Variants in VGLL4 observed in about 807,000 individuals in gnomAD.
The protein encoded by VGLL4 is transcription cofactor vestigial-like protein 4.
VGLL4 carries 7 observed loss-of-function variants against 21.0 expected under a neutral mutation model. That is an observed-to-expected ratio of 0.33 (90% CI 0.19 to 0.63). VGLL4 has a LOEUF of 0.63. Ranked by LOEUF, VGLL4 falls within the 20% of genes least tolerant of loss-of-function variation. VGLL4 has a pLI of 0.78. For missense variants in VGLL4, 394 were observed against 425.7 expected (o/e 0.93, Z 0.66); for synonymous variants, 222 against 173.2 (o/e 1.28, Z -2.21).
intron 1 of VGLL4, among the ~76,000 whole-genome samples, chr3:11,703,336 G>GT (rs1461348147): frequency 3.3e-5 from 5 of 152,216 alleles, no homozygotes; most frequent in African/African-American, 4.8e-5. Context: ...TGGTGCTTAT[G>GT]TTTATGTGCA....
rs1025746493 is a variant in VGLL4, at chr3:11,556,562, A to G, written c.*1994T>C. On this transcript the variant is annotated 3_prime_UTR_variant, in exon 5 of 5. Transcript: ENST00000430365. Reference sequence around the variant, plus strand: ...AATGCAGATGCAGTGTTCTCATAGAATAACTGTTCCTGCACTTTTACAGAC... The same window carrying G: ...AATGCAGATGCAGTGTTCTCATAGAGTAACTGTTCCTGCACTTTTACAGAC... The G allele has an allele frequency of 6.5e-6, 1 of 152,726 alleles. No individual in the cohort carries two copies. The allele number at this position is 152,726 out of a possible 1,614,324, so 9.5% of individuals were successfully genotyped here.
Position 11,601,820 on chromosome 3 carries a change from C to G in VGLL4, c.272+13G>C, listed in dbSNP as rs748993545. ...GAGCACCCTTAAGCCAAAATAAGAACAGAGGAACTCACAGATGGGGGTTGA... is the reference window on the plus strand; with the variant it reads ...GAGCACCCTTAAGCCAAAATAAGAAGAGAGGAACTCACAGATGGGGGTTGA... On this transcript the variant is annotated intron_variant, in intron 2 of 4. Coordinates refer to ENST00000430365, the MANE Select transcript of VGLL4 (RefSeq NM_001128219.3). 1.9e-6 allele frequency: 3 copies of G among 1,613,166 alleles called. No homozygotes were observed. The highest frequency in any genetic ancestry group is 2.5e-6 in the Non-Finnish European group (3 of 1,179,552).
At chr3:11,634,718 C>A (rs574819689) in intron 1 of VGLL4, among the ~76,000 whole-genome samples, 1 of 151,894 alleles carries the variant, frequency 6.6e-6, no homozygotes, top group Non-Finnish European at 1.5e-5. Context: ...CACTCTGTTG[C>A]CCAGGCCAGA....
chr3:11,720,094 G>C (rs1410221622), intron 1 of VGLL4, among the ~76,000 whole-genome samples: 1 of 151,992 alleles, frequency 6.6e-6, no homozygotes, highest in East Asian at 1.9e-4. Flanking sequence ...CAGCGCACGG[G>C]ACGCCGACGT....
chr3:11,615,642 AT>A (rs2075147990), intron 1 of VGLL4, among the ~76,000 whole-genome samples: 1 of 152,008 alleles, frequency 6.6e-6, no homozygotes, highest in Admixed American at 6.5e-5. Context: ...TCACATACTC[AT>A]TTTTTTGTTT....
Position 11,558,113 on chromosome 3 carries a change from G to A in VGLL4, c.*443C>T, listed in dbSNP as rs558479644. The A allele has an allele frequency of 2.6e-4, 48 of 187,762 alleles. 1 individual carries two copies. The South Asian group carries it at 3.2e-3, about 13-fold the overall frequency. 11.6% of individuals were successfully genotyped at this position (187,762 alleles called of 1,614,324 possible). On this transcript the variant is annotated 3_prime_UTR_variant, in exon 5 of 5. Transcript: ENST00000430365. Reference sequence around the variant, plus strand: ...GACAGTTCTCTTCAAGTATACACACGCACACACATGGACCGAACCAAACAC... The same window carrying A: ...GACAGTTCTCTTCAAGTATACACACACACACACATGGACCGAACCAAACAC...
At chr3:11,564,698 C>T (rs2073366583) in intron 3 of VGLL4, 99 bp downstream of exon 3, 25 of 1,415,946 alleles carry the variant, frequency 1.8e-5, no homozygotes, top group Non-Finnish European at 2.1e-5. Context: ...ACCTCCCTCC[C>T]TCACCACCGC....
intron 1 of VGLL4, among the ~76,000 whole-genome samples, chr3:11,625,314 A>G (rs1215815479): frequency 6.6e-6 from 1 of 152,228 alleles, no homozygotes; most frequent in Non-Finnish European, 1.5e-5. Flanking sequence ...AGCATTTGGC[A>G]TCTCATTTGC....
intron 2 of VGLL4, among the ~76,000 whole-genome samples, chr3:11,665,356 G>A (rs1337356443): frequency 2.6e-5 from 4 of 151,968 alleles, no homozygotes; most frequent in South Asian, 2.1e-4. Flanking sequence ...CTCGTGATCC[G>A]CCAGCCTCGG....
rs539964696 is a variant in VGLL4, at chr3:11,649,894, T to G, written c.65-47872A>C. Among the ~76,000 whole-genome samples the G allele has an allele frequency of 1.3e-4, 17 of 134,994 alleles. No individual in the cohort carries two copies. In the South Asian group the frequency reaches 4.2e-3, roughly 33 times the overall value. The allele number at this position is 134,994 out of a possible 152,430, so 88.6% of individuals were successfully genotyped here. ...ACTCCCCCACAGCACACAAGTGCTC[T>G]ATTTGGTTTGGTTTGGTTTGGTTTG... On this transcript the variant is annotated intron_variant, in intron 2 of 5. Transcript: ENST00000273038.
chr3:11,645,876 G>A (rs1208629526), upstream of VGLL4, among the ~76,000 whole-genome samples: 1 of 152,078 alleles, frequency 6.6e-6, no homozygotes, highest in Admixed American at 6.5e-5. Context: ...GGAGGCTGAG[G>A]CAGGAGAATT....
At chr3:11,690,553 G>C (rs1026270457) in intron 2 of VGLL4, among the ~76,000 whole-genome samples, 4 of 151,864 alleles carry the variant, frequency 2.6e-5, no homozygotes, top group Admixed American at 2.0e-4. Context: ...ACAGACTTTA[G>C]GCCTCTTGAA....
intron 1 of VGLL4, among the ~76,000 whole-genome samples, chr3:11,629,741 G>A (rs1488728868): frequency 4.2e-5 from 5 of 120,472 alleles, no homozygotes; most frequent in East Asian, 2.2e-4. Context: ...GAGCGAGACG[G>A]GTCTCAAAAA....
At position 11,617,082 on chromosome 3, in the gene VGLL4, T is replaced by A. The variant is rs1326125530; in HGVS notation, c.83-15060A>T. 2.0e-5 allele frequency among the ~76,000 whole-genome samples: 3 copies of A among 152,182 alleles called. No individual in the cohort carries two copies. In the East Asian group the frequency reaches 5.8e-4, roughly 29 times the overall value. ...AAAAAATAAAAAGAGATGCACTTTT[T>A]ATTTTTTTAAAAAAAGAGAGCGATG... is the stretch of plus-strand genomic sequence containing the variant. On this transcript the variant is annotated intron_variant, in intron 1 of 4. Coordinates refer to ENST00000430365, the MANE Select transcript of VGLL4 (RefSeq NM_001128219.3).
rs2075904177 is a variant in VGLL4 at position 11,653,273 on chromosome 3, C to T, written c.64+49698G>A. ...TTATATAGGGAGAATTTTAATGTATCCCACCTCCACCTATTCCTTCTTCCA... is the reference window on the plus strand; with the variant it reads ...TTATATAGGGAGAATTTTAATGTATTCCACCTCCACCTATTCCTTCTTCCA... On this transcript the variant is annotated intron_variant, in intron 2 of 5. Coordinates refer to the VGLL4 transcript ENST00000273038. This position sits in a 1 kb window ranked among gnomAD's most constrained non-coding sequence, Gnocchi z 4.2. 6.6e-6 allele frequency among the ~76,000 whole-genome samples: 1 copy of T among 152,140 alleles called. No individual in the cohort carries two copies. The highest frequency in any genetic ancestry group is 3.2e-3 in the Middle Eastern group (1 of 316).
intron 2 of VGLL4, among the ~76,000 whole-genome samples, chr3:11,573,304 A>AAAGGAAGG (rs1559870042): frequency 4.1e-4 from 5 of 12,068 alleles, no homozygotes; most frequent in Non-Finnish European, 5.8e-4. Context: ...AGAAAGAAAG[A>AAAGGAAGG]AAGGAAGGAA....
chr3:11,585,219 T>A (rs1487826015), intron 2 of VGLL4, among the ~76,000 whole-genome samples: 1 of 152,034 alleles, frequency 6.6e-6, no homozygotes, highest in Non-Finnish European at 1.5e-5. Flanking sequence ...GCAGATCACT[T>A]GAGGTCAGGA....
intron 2 of VGLL4, among the ~76,000 whole-genome samples, chr3:11,675,535 C>T (rs1462765970): frequency 6.6e-6 from 1 of 151,938 alleles, no homozygotes; most frequent in African/African-American, 2.4e-5. Context: ...AAATGTTTTA[C>T]ACAAATGTAA....
chr3:11,614,994 G>T (rs2075135054), intron 1 of VGLL4, among the ~76,000 whole-genome samples: 2 of 152,234 alleles, frequency 1.3e-5, no homozygotes, highest in South Asian at 4.2e-4. Context: ...AAGCATTTTT[G>T]TCAGTTTGTT....
Sources: allele counts gnomAD v4.1 joint callset (sites outside exome capture counted in the v4.1 genomes callset), GRCh38; gene constraint gnomAD v4.1.1; non-coding constraint Gnocchi (gnomAD v3.1); transcripts MANE v1.5; gene names NCBI Gene and HGNC (gene_info 2026-07-23, HGNC 2026-07-21).